The following JAK1 variants were observed in gnomAD, a reference collection of about 807,000 sequenced individuals.
JAK1 encodes the protein Janus kinase 1, also known as tyrosine-protein kinase JAK1.
A neutral mutation model predicts 136.6 loss-of-function variants in JAK1; 16 were observed. The observed-to-expected ratio is 0.12, with a 90% CI of 0.08 to 0.18. The LOEUF is 0.18. Ranked by LOEUF, JAK1 falls within the 10% of genes least tolerant of loss-of-function variation. The pLI is 1.00. For synonymous variants in JAK1, 492 were observed against 519.5 expected (o/e 0.95, Z 0.72); for missense variants, 859 against 1,450.1 (o/e 0.59, Z 6.62).
chr1:64,877,265 G>T (rs1644687941), intron 4 of JAK1, among the ~76,000 whole-genome samples: 1 of 152,144 alleles, frequency 6.6e-6, no homozygotes, highest in Admixed American at 6.5e-5. Flanking sequence ...CTTTAGTGGT[G>T]AGATTATGAG....
upstream of JAK1, among the ~76,000 whole-genome samples, chr1:64,968,801 G>A (rs180900368): frequency 1.5e-4 from 23 of 152,124 alleles, no homozygotes; most frequent in African/African-American, 3.6e-4. Context: ...ACGTGGTGGC[G>A]GGAACCTGTA....
At chr1:65,039,539 G>A (rs1323871916) in intron 2 of JAK1, among the ~76,000 whole-genome samples, 2 of 152,116 alleles carry the variant, frequency 1.3e-5, no homozygotes, top group African/African-American at 4.8e-5. Context: ...CAGTCAATAG[G>A]TGGCAGAAAG....
At chr1:64,898,039 A>G (rs1250542145) in intron 1 of JAK1, among the ~76,000 whole-genome samples, 1 of 151,308 alleles carries the variant, frequency 6.6e-6, no homozygotes, top group Non-Finnish European at 1.5e-5. Context: ...TGAGGGATCC[A>G]TACCTTTGCC....
chr1:64,940,170 CA>C (rs1645862801), intron 1 of JAK1, among the ~76,000 whole-genome samples: 1 of 152,124 alleles, frequency 6.6e-6, no homozygotes, highest in African/African-American at 2.4e-5. Context: ...ATAGAAGGCA[CA>C]ACAGGAAGTC....
At chr1:64,851,001 G>C (rs1424286201) in intron 11 of JAK1, 91 bp from the exon 12 acceptor site, 1 of 812,692 alleles carries the variant, frequency 1.2e-6, no homozygotes, top group East Asian at 2.6e-5. Flanking sequence ...CGTGGGACCG[G>C]TGTGCGGGCG....
At position 64,834,078 on chromosome 1, in the gene JAK1, T is replaced by C. The variant is rs1354595737; in HGVS notation, c.*484A>G. On this transcript the variant is annotated 3_prime_UTR_variant, in exon 25 of 25. Coordinates refer to ENST00000342505, the MANE Select transcript of JAK1 (RefSeq NM_002227.4). Reference sequence around the variant, plus strand: ...TCTAATATTTTAAGAATGCATGGTCTAGTACTGTATAGATACTGAAATTTG... The same window carrying C: ...TCTAATATTTTAAGAATGCATGGTCCAGTACTGTATAGATACTGAAATTTG... 4.2e-6 allele frequency: 1 copy of C among 239,274 alleles called. No homozygotes were observed. Among genetic ancestry groups the C allele is most frequent in the Non-Finnish European group, 8.2e-6 (1 of 121,326 alleles). The allele number at this position is 239,274 out of a possible 1,614,324, so 14.8% of individuals were successfully genotyped here.
chr1:65,038,251 T>C (rs1402919725), intron 2 of JAK1, among the ~76,000 whole-genome samples: 1 of 149,232 alleles, frequency 6.7e-6, no homozygotes, highest in Non-Finnish European at 1.5e-5. Flanking sequence ...CAGGCTGGAG[T>C]ACAATGGCGC....
At position 65,063,022 on chromosome 1, in the gene JAK1, A is replaced by G. The variant is rs115395772; in HGVS notation, c.-181+4582T>C. 4.0e-3 allele frequency among the ~76,000 whole-genome samples: 613 copies of G among 152,280 alleles called. 7 individuals are homozygous for G. Among genetic ancestry groups the G allele is most frequent in the African/African-American group, 0.014 (597 of 41,562 alleles). ...CCTTCCAGTGCAATTTCTGAATCTC[A>G]TTAGACAAAACAAAACCCAAAGACA... On this transcript the variant is annotated intron_variant, in intron 1 of 25. Transcript: ENST00000671954.
intron 4 of JAK1, chr1:64,876,216 CGGAG>C (rs1399600536): frequency 6.6e-6 from 1 of 152,246 alleles, no homozygotes; most frequent in Non-Finnish European, 1.5e-5. Context: ...CCTGAGCCAA[CGGAG>C]CCACGGCCTT....
chr1:65,003,490 A>C (rs912344621), intron 2 of JAK1: 2 of 152,214 alleles, frequency 1.3e-5, no homozygotes, highest in Admixed American at 1.3e-4. Context: ...TCCAAGAATC[A>C]TAGTGTTTAT....
At position 64,985,514 on chromosome 1, in the gene JAK1, A is replaced by G; in HGVS notation, c.-78+58966T>C. ...GAAGGGCTGCACTTTGTAGCATAGCAGGAGAGATGGGAAAGCCTAATAGCA... is the reference window on the plus strand; with the variant it reads ...GAAGGGCTGCACTTTGTAGCATAGCGGGAGAGATGGGAAAGCCTAATAGCA... On this transcript the variant is annotated intron_variant, in intron 2 of 25. Coordinates refer to the JAK1 transcript ENST00000671954. 5 of 1,534,204 alleles carry G rather than the reference A, an allele frequency of 3.3e-6. No individual in the cohort carries two copies. The South Asian group carries it at 5.6e-5, about 17-fold the overall frequency.
At chr1:65,050,064 A>G (rs975936782) in intron 1 of JAK1, among the ~76,000 whole-genome samples, 20 of 152,192 alleles carry the variant, frequency 1.3e-4, no homozygotes, top group African/African-American at 4.3e-4. Context: ...CTCTGACCAC[A>G]GAAAGTGGGG....
chr1:64,954,259 C>T (rs1646142919), intron 1 of JAK1, among the ~76,000 whole-genome samples: 1 of 152,200 alleles, frequency 6.6e-6, no homozygotes, highest in South Asian at 2.1e-4. Context: ...TAGCTCTGCT[C>T]ATCTGGAAAA....
In JAK1 at chr1:64,873,512, G is replaced by A; in HGVS notation, c.341C>T (p.Thr114Ile). 1 of 1,614,160 alleles carries A rather than the reference G, an allele frequency of 6.2e-7. No individual in the cohort carries two copies. Among genetic ancestry groups the A allele is most frequent in the Non-Finnish European group, 8.5e-7 (1 of 1,180,010 alleles). ...ATTGTCGTTGGTTCCATGCCAATTG[G>A]TGAAATAGAACCTGGAAGGCAGGAA... The part of the protein sequence containing the change: ...RLHYRMRFYF[T>I]NWHGTNDNEQ... The change falls in exon 5 of 25, where the codon ACC becomes ATC. Residue 114 changes from threonine to isoleucine, a missense_variant. By Grantham distance (89) the Thr-to-Ile change is moderately conservative. This residue lies in a region of JAK1 where 353 missense variants were observed against 494.0 expected (regional missense o/e 0.71). Coordinates refer to ENST00000342505, the MANE Select transcript of JAK1 (RefSeq NM_002227.4).
chr1:65,050,442 G>A (rs1329488807), intron 1 of JAK1, among the ~76,000 whole-genome samples: 1 of 152,206 alleles, frequency 6.6e-6, no homozygotes, highest in African/African-American at 2.4e-5. Flanking sequence ...TGGTAAGGGT[G>A]TCCCAGGCAG....
At chr1:65,006,472 C>T (rs1646804912) in intron 2 of JAK1, among the ~76,000 whole-genome samples, 1 of 152,200 alleles carries the variant, frequency 6.6e-6, no homozygotes, top group Admixed American at 6.5e-5. Context: ...ATCGTCCTGC[C>T]TCAGCCTCCT....
chr1:65,006,923 GA>G (rs1557754998), intron 2 of JAK1, among the ~76,000 whole-genome samples: 1 of 151,900 alleles, frequency 6.6e-6, no homozygotes, highest in Non-Finnish European at 1.5e-5. Context: ...TTTTTAAAAG[GA>G]AAAAAATGTT....
rs149442739 is a variant in JAK1, at chr1:64,883,489, A to T, written c.7-14T>A. ...TATATTTAGATACTGTTGTGGAAGGAAAACAAGACTATGTGGTCACTCTAT... is the reference window on the plus strand; with the variant it reads ...TATATTTAGATACTGTTGTGGAAGGTAAACAAGACTATGTGGTCACTCTAT... On this transcript the variant is annotated splice_polypyrimidine_tract_variant and intron_variant, in intron 2 of 24. Coordinates refer to ENST00000342505, the MANE Select transcript of JAK1 (RefSeq NM_002227.4). 8.6e-5 allele frequency: 138 copies of T among 1,607,618 alleles called. 1 individual carries two copies. Among genetic ancestry groups the T allele is most frequent in the Non-Finnish European group, 4.9e-5 (58 of 1,174,442 alleles).
In JAK1 at chr1:64,984,805, C is replaced by G; in HGVS notation, c.-78+59675G>C. 1 of 1,075,858 alleles carries G rather than the reference C, an allele frequency of 9.3e-7. No homozygotes were observed. 66.6% of individuals were successfully genotyped at this position (1,075,858 alleles called of 1,614,324 possible). On this transcript the variant is annotated intron_variant, in intron 2 of 25. Transcript: ENST00000671954. This position sits in a 1 kb window ranked among gnomAD's most constrained non-coding sequence, Gnocchi z 4.1. ...AGGAAGTCGGTGAAGATAATAAAAA[C>G]GTAGGCTCCTAAATAGTAAGCAGCA...
Sources: allele counts gnomAD v4.1 joint callset (sites outside exome capture counted in the v4.1 genomes callset), GRCh38; gene constraint gnomAD v4.1.1; regional missense constraint gnomAD v4.1.1; non-coding constraint Gnocchi (gnomAD v3.1); transcripts MANE v1.5; gene names NCBI Gene and HGNC (gene_info 2026-07-23, HGNC 2026-07-21).